Variants in TPPP observed in about 807,000 individuals in gnomAD.
TPPP encodes the protein tubulin polymerization promoting protein, also known as tubulin polymerization-promoting protein.
TPPP carries 6 observed loss-of-function variants against 15.5 expected under a neutral mutation model. The observed-to-expected ratio is 0.39, with a 90% CI of 0.21 to 0.77. The LOEUF (loss-of-function observed/expected upper bound fraction) is 0.77, where lower values mean the gene tolerates loss of function less well. TPPP is among the 30% of genes least tolerant of loss of function. The probability of loss-of-function intolerance (pLI) is 0.42; values close to 1 mark genes in which losing one functional copy is unlikely to be tolerated. For synonymous variants in TPPP, 146 were observed against 133.9 expected, an observed-to-expected ratio of 1.09 and a Z score of -0.63; for missense variants, 269 against 307.2, an observed-to-expected ratio of 0.88 and a Z score of 0.93.
intron 2 of TPPP, among the ~76,000 whole-genome samples, chr5:674,816 G>GGGGA (rs1257843682): frequency 5.9e-5 from 9 of 151,932 alleles, no homozygotes; most frequent in Admixed American, 5.9e-4. Context: ...CCTCCAGGCA[G>GGGGA]CGGCTGACAT....
Position 677,752 on chromosome 5 carries a change from G to T in TPPP, c.309C>A (p.Ile103=). The T allele has an allele frequency of 6.4e-7, 1 of 1,560,080 alleles. No individual in the cohort carries two copies. The highest frequency in any genetic ancestry group is 8.7e-7 in the Non-Finnish European group (1 of 1,150,918). The change falls in exon 2 of 4, where the codon ATC becomes ATA. Residue 103 remains isoleucine (I), a splice_region_variant and synonymous_variant. Transcript: ENST00000360578. ...GCCCGTGAGCCCAGCGCACTCACTTGATCTTGCTGAAGACGATGTCCACGT... is the reference window on the plus strand; with the variant it reads ...GCCCGTGAGCCCAGCGCACTCACTTTATCTTGCTGAAGACGATGTCCACGT... The part of the protein sequence containing the change: ...VTDVDIVFSK[I]KGKSCRTITF...
chr5:669,015 C>A (rs182423142), intron 2 of TPPP, among the ~76,000 whole-genome samples: 180 of 152,360 alleles, frequency 1.2e-3, no homozygotes, highest in African/African-American at 4.3e-3. Context: ...AAAGACACAA[C>A]AGACACCATC....
chr5:670,777 C>T (rs1740193022), intron 2 of TPPP, among the ~76,000 whole-genome samples: 1 of 152,212 alleles, frequency 6.6e-6, no homozygotes, highest in Non-Finnish European at 1.5e-5. Flanking sequence ...GGACCTAGAG[C>T]AACGTTTCCC....
Position 660,353 on chromosome 5 carries a change from C to T in TPPP, c.*4749G>A, listed in dbSNP as rs1391299245. 1 of 152,064 alleles carries T rather than the reference C, an allele frequency of 6.6e-6. No individual in the cohort carries two copies. Among genetic ancestry groups the T allele is most frequent in the South Asian group, 2.1e-4 (1 of 4,802 alleles). The allele number at this position is 152,064 out of a possible 1,614,324, so 9.4% of individuals were successfully genotyped here. A position where few individuals can be genotyped will look rare whatever the true frequency, so the allele number is the denominator to read the frequency against. ...GGCTTGGTTTAGTTTTTTAAGAGGT[C>T]GAAAGAAAGAAGTAAAGCATCTCGA... On this transcript the variant is annotated 3_prime_UTR_variant, in exon 4 of 4. Transcript: ENST00000360578.
At chr5:667,906 T>G in intron 2 of TPPP, among the ~76,000 whole-genome samples, 1 of 63,336 alleles carries the variant, frequency 1.6e-5, no homozygotes, top group Non-Finnish European at 2.7e-5. Context: ...GTGGGCGCCG[T>G]CAGGGAAGTA....
chr5:681,020 G>A (rs1385980826), intron 1 of TPPP, among the ~76,000 whole-genome samples: 2 of 152,154 alleles, frequency 1.3e-5, no homozygotes, highest in Admixed American at 6.5e-5. Flanking sequence ...CCACAATGAC[G>A]GTAATAAGAA....
At chr5:684,031 C>A (rs1740700303) in intron 1 of TPPP, among the ~76,000 whole-genome samples, 1 of 152,206 alleles carries the variant, frequency 6.6e-6, no homozygotes, top group African/African-American at 2.4e-5. Context: ...GTCATTAAAC[C>A]CCACTCCTGT....
At chr5:670,811 A>G (rs145806582) in intron 2 of TPPP, among the ~76,000 whole-genome samples, 157 of 152,300 alleles carry the variant, frequency 1.0e-3, no homozygotes, top group African/African-American at 3.6e-3. Context: ...GTCGGTGGCA[A>G]GCCCTCCAGG....
chr5:691,881 C>G (rs1357684396), intron 1 of TPPP, among the ~76,000 whole-genome samples: 1 of 104,310 alleles, frequency 9.6e-6, no homozygotes, highest in African/African-American at 3.7e-5. Flanking sequence ...AAACCCCCAT[C>G]AAAACAGCAG....
chr5:697,837 A>G (rs2126921298), upstream of TPPP, among the ~76,000 whole-genome samples: 1 of 147,662 alleles, frequency 6.8e-6, no homozygotes, highest in East Asian at 2.0e-4. Flanking sequence ...TCATTCTATG[A>G]GGCCAGTATC....
intron 1 of TPPP, chr5:692,921 G>T: frequency 2.2e-6 from 2 of 893,452 alleles, no homozygotes; most frequent in Non-Finnish European, 2.7e-6. Context: ...CCCGAGCTGG[G>T]GAGGGTCTGG....
At chr5:695,565 C>T (rs562006586), upstream of TPPP, among the ~76,000 whole-genome samples, 25,961 of 147,222 alleles carry the variant, frequency 0.18, 943 homozygotes, top group African/African-American at 0.26. Context: ...GGCCAGAAGT[C>T]CGAGATCAAG....
chr5:676,874 A>ACG (rs1740457309), intron 2 of TPPP, among the ~76,000 whole-genome samples: 5 of 147,300 alleles, frequency 3.4e-5, no homozygotes, highest in African/African-American at 1.1e-4. Flanking sequence ...CGACGCAGAA[A>ACG]CATGCACACA....
chr5:669,752 G>A (rs968824815), intron 2 of TPPP, among the ~76,000 whole-genome samples: 86 of 152,190 alleles, frequency 5.7e-4, no homozygotes, highest in African/African-American at 1.4e-3. Flanking sequence ...GGGAAAGGGC[G>A]CCCGGGTCTC....
At chr5:688,272 G>A (rs1394772701) in intron 1 of TPPP, among the ~76,000 whole-genome samples, 1 of 143,354 alleles carries the variant, frequency 7.0e-6, no homozygotes, top group African/African-American at 2.5e-5. Flanking sequence ...GGGGAACCGC[G>A]TGGACATGCA....
intron 1 of TPPP, chr5:692,887 TGG>T (rs1193727144): frequency 1.1e-6 from 1 of 947,962 alleles, no homozygotes; most frequent in Non-Finnish European, 1.3e-6. Flanking sequence ...CCCCTAGGCC[TGG>T]GAATAGGGAA....
At chr5:671,368 C>G (rs766044790) in intron 2 of TPPP, among the ~76,000 whole-genome samples, 2 of 151,990 alleles carry the variant, frequency 1.3e-5, no homozygotes, top group African/African-American at 4.8e-5. Context: ...GGGGCCCGAC[C>G]TTCTCTAGGG....
intron 2 of TPPP, chr5:676,435 A>G (rs573141486): frequency 1.4e-4 from 22 of 152,344 alleles, no homozygotes; most frequent in African/African-American, 4.8e-4. Flanking sequence ...CCTTCCACAC[A>G]GGGGCATCTG....
upstream of TPPP, among the ~76,000 whole-genome samples, chr5:697,810 G>A (rs1477646715): frequency 2.0e-5 from 3 of 149,480 alleles, no homozygotes; most frequent in African/African-American, 4.9e-5. Context: ...ATCGAAGAGG[G>A]GGGATATCTC....
Sources: gnomAD v4.1 joint callset for allele counts (sites outside exome capture counted in the v4.1 genomes callset) on GRCh38, gnomAD v4.1.1 for gene constraint, MANE v1.5 for transcripts, NCBI Gene and HGNC (gene_info 2026-07-23, HGNC 2026-07-21) for gene names.